TUT7: variants seen among roughly 807,000 people sequenced by gnomAD.
The protein encoded by TUT7 is terminal uridylyl transferase 7.
A neutral mutation model predicts 165.9 loss-of-function variants in TUT7; 33 were observed. The observed-to-expected ratio is 0.20, with a 90% CI of 0.15 to 0.27. The LOEUF is 0.27. Ranked by LOEUF, TUT7 falls within the 10% of genes least tolerant of loss-of-function variation. The pLI is 1.00. For missense variants in TUT7, 1,338 were observed against 1,762.3 expected (o/e 0.76, Z 4.31); for synonymous variants, 552 against 608.1 (o/e 0.91, Z 1.36).
chr9:86,295,139 A>G (rs1826202307), intron 26 of TUT7, among the ~76,000 whole-genome samples: 1 of 152,146 alleles, frequency 6.6e-6, no homozygotes, highest in Non-Finnish European at 1.5e-5. Context: ...AACAAACAAA[A>G]TATATCATCT....
chr9:86,323,359 A>G lies in TUT7; in HGVS notation c.2391T>C (p.Ala797=). ...AAGTGGCAAGTCCCTCACACTCTTTAGCTGTGGGATTTTGGAAGCCTTCTA... is the reference window on the plus strand; with the variant it reads ...AAGTGGCAAGTCCCTCACACTCTTTGGCTGTGGGATTTTGGAAGCCTTCTA... ...LDLEGFQNPT[A]KECEGLATLD... Residue 797 remains alanine (A), a synonymous_variant, in exon 13 of 27, where the codon GCT becomes GCC. Transcript: ENST00000375963. 3 of 1,614,112 alleles carry G rather than the reference A, an allele frequency of 1.9e-6. No homozygotes were observed. The highest frequency in any genetic ancestry group is 2.5e-6 in the Non-Finnish European group (3 of 1,180,020).
chr9:86,323,196 C>T lies in TUT7; in HGVS notation c.2554G>A (p.Glu852Lys), dbSNP rs1157322504. Reference sequence around the variant, plus strand: ...GGTTCTTCTTCCTCCTCCTCTTCTTCGTCGTCCTCCTCCTCTTCATCAGAG... The same window carrying T: ...GGTTCTTCTTCCTCCTCCTCTTCTTTGTCGTCCTCCTCCTCTTCATCAGAG... Reference protein sequence around the residue: ...IPSDEEEEDDEEEEEEEEPRL... With the variant: ...IPSDEEEEDDKEEEEEEEPRL... Residue 852 changes from glutamate (E) to lysine (K), a missense_variant, in exon 13 of 27, where the codon GAA (glutamate) becomes AAA (lysine). Glu to Lys is a moderately conservative substitution (Grantham distance 56). Around this residue, in one of 7 missense-constraint regions of TUT7, gnomAD observed 425 missense variants for 474.9 expected, o/e 0.89. Transcript: ENST00000375963. 6.2e-6 allele frequency: 10 copies of T among 1,614,110 alleles called. No individual in the cohort carries two copies. Among genetic ancestry groups the T allele is most frequent in the Non-Finnish European group, 8.5e-6 (10 of 1,180,004 alleles).
intron 1 of TUT7, among the ~76,000 whole-genome samples, chr9:86,353,700 C>G (rs560502708): frequency 1.3e-5 from 2 of 152,240 alleles, no homozygotes; most frequent in South Asian, 2.1e-4. Flanking sequence ...TACTACATTT[C>G]TCAACTCCAA....
At chr9:86,289,569 A>G (rs1440283047) in intron 26 of TUT7, among the ~76,000 whole-genome samples, 1 of 152,132 alleles carries the variant, frequency 6.6e-6, no homozygotes, top group Admixed American at 6.5e-5. Flanking sequence ...AAGAGTGAGT[A>G]ATCCTGTAGG....
At chr9:86,309,184 G>T in intron 21 of TUT7, 28 bp downstream of exon 21, 1 of 1,435,840 alleles carries the variant, frequency 7.0e-7, no homozygotes, top group Non-Finnish European at 9.7e-7. Flanking sequence ...CAAGGATATA[G>T]GAAAATCTTT....
rs755155326 is a variant in TUT7 at position 86,328,471 on chromosome 9, T to G, written c.1477A>C (p.Lys493Gln). 2.5e-6 allele frequency: 4 copies of G among 1,608,094 alleles called. No homozygotes were observed. The African/African-American group carries it at 4.0e-5, about 16-fold the overall frequency. Residue 493 changes from lysine (K) to glutamine (Q), a missense_variant, in exon 11 of 27, where the codon AAA (lysine) becomes CAA (glutamine). Physicochemically the swap from Lys to Gln is moderately conservative, Grantham distance 53. This residue lies in a region of TUT7 where 74 missense variants were observed against 128.5 expected (regional missense o/e 0.58). Transcript: ENST00000375963. Reference sequence around the variant, plus strand: ...TCTTGAAGGTTGAAATTCCCTAGTTTGCTTAATGAGAATCCTTCAATCTAG... The same window carrying G: ...TCTTGAAGGTTGAAATTCCCTAGTTGGCTTAATGAGAATCCTTCAATCTAG... ...GSWIEGFSLS[K>Q]LGNFNLQDIE...
At chr9:86,293,973 C>A (rs748487584) in intron 26 of TUT7, among the ~76,000 whole-genome samples, 2 of 152,156 alleles carry the variant, frequency 1.3e-5, no homozygotes, top group Admixed American at 6.5e-5. Flanking sequence ...TCGGAACTCC[C>A]AACCTCAGGT....
At chr9:86,318,876 G>A in intron 16 of TUT7, 82 bp downstream of exon 16, 1 of 1,131,998 alleles carries the variant, frequency 8.8e-7, no homozygotes, top group Admixed American at 2.1e-5. Flanking sequence ...GATAAATTTG[G>A]AAAATACCAA....
chr9:86,340,634 T>C (rs967748468), intron 7 of TUT7, among the ~76,000 whole-genome samples: 2 of 152,218 alleles, frequency 1.3e-5, no homozygotes, highest in South Asian at 2.1e-4. Flanking sequence ...TTAATTAGGG[T>C]TGGGTTACAC....
chr9:86,343,715 G>A (rs1346017453), intron 5 of TUT7, among the ~76,000 whole-genome samples: 2 of 152,144 alleles, frequency 1.3e-5, no homozygotes, highest in African/African-American at 4.8e-5. Context: ...AGCGTTTGCT[G>A]TAACAAAATC....
At chr9:86,342,881 G>T (rs551549484) in intron 6 of TUT7, among the ~76,000 whole-genome samples, 194 bp downstream of exon 6, 1 of 151,660 alleles carries the variant, frequency 6.6e-6, no homozygotes, top group East Asian at 1.9e-4. Context: ...ATGTATAAAA[G>T]ATCTATAGAC....
chr9:86,298,171 C>T (rs1233380493), intron 26 of TUT7, among the ~76,000 whole-genome samples: 1 of 152,144 alleles, frequency 6.6e-6, no homozygotes, highest in African/African-American at 2.4e-5. Context: ...TTCTTCCTAG[C>T]ATTTGCCACC....
chr9:86,351,161 T>G (rs1437508636), intron 2 of TUT7, among the ~76,000 whole-genome samples: 1 of 138,938 alleles, frequency 7.2e-6, no homozygotes, highest in Non-Finnish European at 1.5e-5. Flanking sequence ...TCAGGCTGAA[T>G]GTGGTGGCTC....
chr9:86,345,675 G>A lies in TUT7; in HGVS notation c.813C>T (p.Asn271=). The change falls in exon 4 of 27, where the codon AAC becomes AAT. Residue 271 remains asparagine, a synonymous_variant. Coordinates refer to ENST00000375963, the MANE Select transcript of TUT7 (RefSeq NM_024617.4). ...TGGGTTACATTCAATTTACCTTAATGTTTTTCTTGTGCCTCTTTTCCTTGA... is the reference window on the plus strand; with the variant it reads ...TGGGTTACATTCAATTTACCTTAATATTTTTCTTGTGCCTCTTTTCCTTGA... ...KHIKEKRHKK[N]IKEKQEEELL... is the part of the protein sequence containing the mutation. 7 of 1,607,442 alleles carry A rather than the reference G, an allele frequency of 4.4e-6. No individual in the cohort carries two copies. The highest frequency in any genetic ancestry group is 5.1e-6 in the Non-Finnish European group (6 of 1,174,768).
chr9:86,352,255 G>C (rs1464635291), intron 2 of TUT7, among the ~76,000 whole-genome samples: 2 of 149,632 alleles, frequency 1.3e-5, no homozygotes, highest in Non-Finnish European at 3.0e-5. Context: ...CAACAAATAA[G>C]TTTTTTTTTT....
At chr9:86,334,208 G>A (rs760271679) in intron 10 of TUT7, among the ~76,000 whole-genome samples, 3 of 152,122 alleles carry the variant, frequency 2.0e-5, no homozygotes, top group Non-Finnish European at 4.4e-5. Context: ...GAGTACCTCC[G>A]AAGGGCAGGC....
intron 26 of TUT7, among the ~76,000 whole-genome samples, chr9:86,296,655 T>C (rs1826352966): frequency 6.6e-6 from 1 of 152,238 alleles, no homozygotes; most frequent in South Asian, 2.1e-4. Flanking sequence ...ACCAATTTTA[T>C]AGATGACATA....
At chr9:86,347,880 ATTT>A (rs558159680) in intron 2 of TUT7, among the ~76,000 whole-genome samples, 2 of 148,550 alleles carry the variant, frequency 1.3e-5, no homozygotes, top group Non-Finnish European at 3.0e-5. Context: ...GGTCTGAACA[ATTT>A]TTTTTTTTCA....
In TUT7 at chr9:86,323,688, T is replaced by C. The variant is rs997888763; in HGVS notation, c.2062A>G (p.Asn688Asp). Residue 688 changes from asparagine (N) to aspartate (D), a missense_variant, in exon 13 of 27, where the codon AAT (asparagine) becomes GAT (aspartate). By Grantham distance (23) the Asn-to-Asp change is conservative (BLOSUM62 1). Transcript: ENST00000375963. The part of the protein sequence containing the change: ...QGPGATSSAA[N>D]TCKVQPLTLK... Reference sequence around the variant, plus strand: ...GTAAGTGGCTGTACCTTACAGGTATTTGCAGCTGAACTGGTAGCACCAGGA... The same window carrying C: ...GTAAGTGGCTGTACCTTACAGGTATCTGCAGCTGAACTGGTAGCACCAGGA... 2 of 1,614,076 alleles carry C rather than the reference T, an allele frequency of 1.2e-6. No individual in the cohort carries two copies. The highest frequency in any genetic ancestry group is 2.7e-5 in the African/African-American group (2 of 74,958).
Sources: allele counts gnomAD v4.1 joint callset (sites outside exome capture counted in the v4.1 genomes callset), GRCh38; gene constraint gnomAD v4.1.1; regional missense constraint gnomAD v4.1.1; transcripts MANE v1.5; gene names NCBI Gene and HGNC (gene_info 2026-07-23, HGNC 2026-07-21).